Variants in PRUNE2 observed in about 807,000 individuals in gnomAD.
PRUNE2 encodes prune homolog 2 with BCH domain.
PRUNE2 carries 164 observed loss-of-function variants against 252.0 expected under a neutral mutation model. The ratio of observed to expected loss-of-function variants is 0.65; its 90% CI spans 0.57 to 0.74. The LOEUF is 0.74. Ranked by LOEUF, PRUNE2 falls within the 30% of genes least tolerant of loss-of-function variation. The pLI is 0.00. For synonymous variants in PRUNE2, 1,292 were observed against 1,350.2 expected, an observed-to-expected ratio of 0.96 and a Z score of 0.94; for missense variants, 3,495 against 3,711.0, an observed-to-expected ratio of 0.94 and a Z score of 1.51.
chr9:76,793,074 T>C (rs1319865037), intron 6 of PRUNE2, among the ~76,000 whole-genome samples: 2 of 152,210 alleles, frequency 1.3e-5, no homozygotes, highest in East Asian at 3.9e-4. Context: ...TCCAAGTCTA[T>C]TATGCCATGT....
At chr9:76,894,259 G>A (rs1382377631) in intron 1 of PRUNE2, among the ~76,000 whole-genome samples, 3 of 152,186 alleles carry the variant, frequency 2.0e-5, no homozygotes, top group East Asian at 3.9e-4. Flanking sequence ...TCTTTATACT[G>A]TAGCCAATGA....
At position 76,870,803 on chromosome 9, in the gene PRUNE2, C is replaced by CTT. The variant is rs533711605; in HGVS notation, c.37-16596_37-16595insAA. On this transcript the variant is annotated intron_variant, in intron 1 of 18. Coordinates refer to ENST00000376718, the MANE Select transcript of PRUNE2 (RefSeq NM_015225.3). Reference sequence around the variant, plus strand: ...ACAGGCAGGTTTGACATCATCATATCCCCATAACTGAAGCAAATCCCCATA... The same window carrying CTT: ...ACAGGCAGGTTTGACATCATCATATCTTCCCATAACTGAAGCAAATCCCCATA... Among the ~76,000 whole-genome samples, 981 of 152,068 alleles carry CTT rather than the reference C, an allele frequency of 6.5e-3. 9 individuals carry two copies. The highest frequency in any genetic ancestry group is 0.022 in the African/African-American group (929 of 41,468).
intron 6 of PRUNE2, among the ~76,000 whole-genome samples, chr9:76,806,769 T>G (rs1229508159): frequency 6.6e-6 from 1 of 151,614 alleles, no homozygotes; most frequent in Admixed American, 6.6e-5. Context: ...CTGCCTGCCT[T>G]AGCCTCCCAA....
chr9:76,774,462 T>TATTTATTTATTTA (rs1554761662), intron 6 of PRUNE2, among the ~76,000 whole-genome samples: 3 of 104,252 alleles, frequency 2.9e-5, no homozygotes, highest in African/African-American at 1.0e-4. Context: ...TTTTTTTTTT[T>TATTTATTTATTTA]TTTTTTTTTT....
At chr9:76,837,311 G>T (rs538520949) in intron 4 of PRUNE2, among the ~76,000 whole-genome samples, 3 of 151,948 alleles carry the variant, frequency 2.0e-5, no homozygotes. Flanking sequence ...GCGTGGTGGC[G>T]GGCACCTGCA....
intron 6 of PRUNE2, among the ~76,000 whole-genome samples, chr9:76,736,331 T>C (rs1273687901): frequency 1.3e-5 from 2 of 152,214 alleles, no homozygotes; most frequent in African/African-American, 4.8e-5. Flanking sequence ...GGATAATTTC[T>C]GGTCTGGTAT....
chr9:76,695,250 C>T (rs1379210976), intron 9 of PRUNE2, among the ~76,000 whole-genome samples: 1 of 149,312 alleles, frequency 6.7e-6, no homozygotes, highest in African/African-American at 2.4e-5. Context: ...GTTGGTCAGG[C>T]TGGTCTCGAA....
chr9:76,870,452 G>C (rs1227630235), intron 1 of PRUNE2, among the ~76,000 whole-genome samples: 5 of 151,962 alleles, frequency 3.3e-5, no homozygotes, highest in Non-Finnish European at 7.4e-5. Flanking sequence ...TTGGGAGGCC[G>C]AGGTGGGTGG....
In PRUNE2 at chr9:76,661,082, A is replaced by G. The variant is rs927112937; in HGVS notation, c.8277-5580T>C. Reference sequence around the variant, plus strand: ...AAACCTTTGTTGTGTTAAACCACTGAGATTTGGGGTTGTCATAGCAGGTAA... The same window carrying G: ...AAACCTTTGTTGTGTTAAACCACTGGGATTTGGGGTTGTCATAGCAGGTAA... On this transcript the variant is annotated intron_variant, in intron 9 of 18. Transcript: ENST00000376718. Among the ~76,000 whole-genome samples, 15 of 152,328 alleles carry G rather than the reference A, an allele frequency of 9.8e-5. 1 individual carries two copies. The South Asian group carries it at 3.1e-3, about 32-fold the overall frequency.
rs554560320 is a variant in PRUNE2, at chr9:76,699,802, T to C, written c.8276+3535A>G. Among the ~76,000 whole-genome samples the C allele has an allele frequency of 4.6e-5, 7 of 152,372 alleles. No individual in the cohort carries two copies. The East Asian group carries it at 1.3e-3, about 29-fold the overall frequency. On this transcript the variant is annotated intron_variant, in intron 9 of 18. Transcript: ENST00000376718. ...AACATGTAACCAAATTACCCCTTTC[T>C]TCACACATCATTCTTCCAATCATGC... is the stretch of plus-strand genomic sequence containing the variant.
At position 76,850,594 on chromosome 9, in the gene PRUNE2, C is replaced by A; in HGVS notation, c.213G>T (p.Glu71Asp). The stretch of plus-strand genomic sequence containing the variant: ...TTAGCTCTTCTAAAATAAACCTCGT[C>A]TCGGTGAAGTAGTTGAATTCAGTTC... ...IPRTEFNYFT[E>D]TRFILEELNI... The change falls in exon 3 of 19, where the codon GAG becomes GAT. Residue 71 changes from glutamate (E) to aspartate (D), a missense_variant. Physicochemically the swap from Glu to Asp is conservative, Grantham distance 45. Transcript: ENST00000376718. The A allele has an allele frequency of 6.2e-7, 1 of 1,614,066 alleles. No individual in the cohort carries two copies. Among genetic ancestry groups the A allele is most frequent in the Non-Finnish European group, 8.5e-7 (1 of 1,179,944 alleles).
chr9:76,810,353 T>C (rs949619808), intron 6 of PRUNE2, among the ~76,000 whole-genome samples: 28 of 152,206 alleles, frequency 1.8e-4, no homozygotes, highest in African/African-American at 5.8e-4. Context: ...AAAGGTATGA[T>C]AGACATTCAA....
chr9:76,709,037 G>C lies in PRUNE2; in HGVS notation c.3237C>G (p.Tyr1079Ter), dbSNP rs188705736. 2.5e-6 allele frequency: 4 copies of C among 1,613,846 alleles called. No homozygotes were observed. Among genetic ancestry groups the C allele is most frequent in the Non-Finnish European group, 3.4e-6 (4 of 1,179,886 alleles). The change falls in exon 8 of 19, where the codon TAC becomes TAG. Residue 1079 changes from tyrosine (Y) to a stop codon, truncating the protein, a stop_gained. Transcript: ENST00000376718. LOFTEE classifies it high-confidence loss of function. ...DDVGESSQSS[Y>*]DDPSMMQLYN... ...ACAGTTGCATCATGCTGGGGTCGTC[G>C]TAACTGGACTGGCTGCTTTCCCCGA... is the stretch of plus-strand genomic sequence containing the variant.
intron 4 of PRUNE2, among the ~76,000 whole-genome samples, chr9:76,841,909 C>T (rs2059413709): frequency 1.3e-5 from 2 of 152,152 alleles, no homozygotes; most frequent in Admixed American, 1.3e-4. Context: ...CTGGCTCTAT[C>T]CCCATTGAAT....
In PRUNE2 at chr9:76,847,482, G is replaced by C. The variant is rs572071461; in HGVS notation, c.345-804C>G. Among the ~76,000 whole-genome samples, 5 of 151,478 alleles carry C rather than the reference G, an allele frequency of 3.3e-5. No homozygotes were observed. The South Asian group carries it at 8.4e-4, about 25-fold the overall frequency. ...AAAAAGTATTTAAAAAAAAAACTGA[G>C]GCACAAAGAGGTTAAGAAATTTGTG... On this transcript the variant is annotated intron_variant, in intron 3 of 18. Coordinates refer to ENST00000376718, the MANE Select transcript of PRUNE2 (RefSeq NM_015225.3).
chr9:76,713,323 T>C (rs1364408324), intron 7 of PRUNE2, among the ~76,000 whole-genome samples: 1 of 152,200 alleles, frequency 6.6e-6, no homozygotes, highest in Non-Finnish European at 1.5e-5. Flanking sequence ...CTTTTGGGAA[T>C]GAGAAAGAGC....
At chr9:76,822,951 A>C (rs2058120254) in intron 6 of PRUNE2, among the ~76,000 whole-genome samples, 1 of 152,272 alleles carries the variant, frequency 6.6e-6, no homozygotes, top group Non-Finnish European at 1.5e-5. Context: ...AGACAATACA[A>C]CAGTAAAGAA....
rs113594017 is a variant in PRUNE2 at position 76,894,717 on chromosome 9, C to CAAAAAAAAAAAAAAA, written c.36+11196_36+11210dup. 1.3e-3 allele frequency among the ~76,000 whole-genome samples: 160 copies of CAAAAAAAAAAAAAAA among 120,598 alleles called. 4 individuals carry two copies. Among genetic ancestry groups the CAAAAAAAAAAAAAAA allele is most frequent in the African/African-American group, 4.9e-3 (141 of 28,940 alleles). The allele number at this position is 120,598 out of a possible 152,430, so 79.1% of individuals were successfully genotyped here. On this transcript the variant is annotated intron_variant, in intron 1 of 18. Transcript: ENST00000376718. ...GCACCCTTTCATTAATTTTCTGCAG[C>CAAAAAAAAAAAAAAA]AAAAAAAAAAAAAAAGGACCAGCCA... is the stretch of plus-strand genomic sequence containing the variant.
chr9:76,731,275 CCTCT>C (rs769194090), intron 6 of PRUNE2, among the ~76,000 whole-genome samples: 19 of 131,338 alleles, frequency 1.4e-4, no homozygotes, highest in African/African-American at 4.1e-4. Flanking sequence ...ACATATATTC[CCTCT>C]CTCTATCTAT....
Sources: gnomAD v4.1 joint callset for allele counts (sites outside exome capture counted in the v4.1 genomes callset) on GRCh38, gnomAD v4.1.1 for gene constraint, MANE v1.5 for transcripts, NCBI Gene and HGNC (gene_info 2026-07-23, HGNC 2026-07-21) for gene names.